SV2C: variants seen among roughly 807,000 people sequenced by gnomAD.
SV2C encodes the protein solute carrier family 22 member B3.
In SV2C, 49 loss-of-function variants were observed where a neutral mutation model predicts 79.7. That is an observed-to-expected ratio of 0.61 (90% CI 0.49 to 0.78). The LOEUF (loss-of-function observed/expected upper bound fraction) is 0.78, where lower values mean the gene tolerates loss of function less well. Ranked by LOEUF, SV2C falls within the 30% of genes least tolerant of loss-of-function variation. The probability of loss-of-function intolerance (pLI) is 0.00; values close to 1 mark genes in which losing one functional copy is unlikely to be tolerated. For synonymous variants in SV2C, 334 were observed against 333.2 expected (o/e 1.00, Z -0.03); for missense variants, 833 against 912.9 (o/e 0.91, Z 1.13).
the SV2C span, among the ~76,000 whole-genome samples, chr5:75,859,852 A>G: frequency 7.6e-4 from 116 of 152,006 alleles, 2 homozygotes; most frequent in Admixed American, 4.0e-3. Flanking sequence ...TATACATCTT[A>G]TTGAATGACT....
At chr5:75,956,261 T>C in the SV2C span, among the ~76,000 whole-genome samples, 13 of 145,456 alleles carry the variant, frequency 8.9e-5, no homozygotes, top group East Asian at 4.0e-4. Flanking sequence ...ATGGATGAAA[T>C]TGGAAATCAT....
At chr5:76,196,501 G>T (rs897091649) in intron 3 of SV2C, among the ~76,000 whole-genome samples, 2 of 152,138 alleles carry the variant, frequency 1.3e-5, no homozygotes, top group Non-Finnish European at 2.9e-5. Context: ...TTGGATTATG[G>T]ACTCAAAGGG....
chr5:76,335,265 T>C (rs979767353), downstream of SV2C, among the ~76,000 whole-genome samples: 2 of 152,130 alleles, frequency 1.3e-5, no homozygotes, highest in Admixed American at 1.3e-4. Context: ...CCCAGCTAGA[T>C]CCTCCTTCTT....
the SV2C span, among the ~76,000 whole-genome samples, chr5:75,978,275 TA>T: frequency 6.6e-6 from 1 of 152,186 alleles, no homozygotes; most frequent in Non-Finnish European, 1.5e-5. Context: ...TATACCACAC[TA>T]GCTGTACTTT....
chr5:76,051,889 A>G, the SV2C span, among the ~76,000 whole-genome samples: 2 of 152,254 alleles, frequency 1.3e-5, no homozygotes, highest in Non-Finnish European at 2.9e-5. Context: ...TAATTGAAAA[A>G]GTAAACTTGT....
chr5:76,283,725 C>T (rs1747263616), intron 4 of SV2C, among the ~76,000 whole-genome samples: 2 of 152,160 alleles, frequency 1.3e-5, no homozygotes, highest in Admixed American at 1.3e-4. Flanking sequence ...CCAGAGTCTA[C>T]TAATCTAAGA....
chr5:76,211,876 G>A lies in SV2C; in HGVS notation c.913+1989G>A, dbSNP rs189288581. ...GAAAAGTTACATGAAAACTGAAGTCGTATTTAACAACAACAAAAGCAAGAT... is the reference window on the plus strand; with the variant it reads ...GAAAAGTTACATGAAAACTGAAGTCATATTTAACAACAACAAAAGCAAGAT... On this transcript the variant is annotated intron_variant, in intron 4 of 12. Coordinates refer to ENST00000502798, the MANE Select transcript of SV2C (RefSeq NM_014979.4). Among the ~76,000 whole-genome samples, 6 of 152,244 alleles carry A rather than the reference G, an allele frequency of 3.9e-5. No individual in the cohort carries two copies. The East Asian group carries it at 9.6e-4, about 24-fold the overall frequency.
At chr5:76,022,703 T>A in the SV2C span, among the ~76,000 whole-genome samples, 1 of 152,196 alleles carries the variant, frequency 6.6e-6, no homozygotes, top group Non-Finnish European at 1.5e-5. Flanking sequence ...TGATAGTTTG[T>A]TAATTTGGTC....
At chr5:76,037,837 C>A in the SV2C span, among the ~76,000 whole-genome samples, 63,180 of 152,106 alleles carry the variant, frequency 0.42, 15,207 homozygotes, top group Middle Eastern at 0.58. Flanking sequence ...GCGCCCCTCC[C>A]CCAGCCTCGT....
chr5:75,911,053 C>T, the SV2C span: 24 of 1,195,154 alleles, frequency 2.0e-5, no homozygotes, highest in Admixed American at 1.0e-4. Context: ...GTGAATCTGT[C>T]GCAACAACTG....
chr5:76,201,036 A>C (rs1744424397), intron 3 of SV2C, among the ~76,000 whole-genome samples: 1 of 152,226 alleles, frequency 6.6e-6, no homozygotes, highest in Non-Finnish European at 1.5e-5. Context: ...AGTCATGAGC[A>C]TATCTTCTTA....
chr5:76,034,938 G>A, the SV2C span, among the ~76,000 whole-genome samples: 2 of 152,078 alleles, frequency 1.3e-5, no homozygotes, highest in Admixed American at 6.5e-5. Flanking sequence ...CCTGTTATTG[G>A]TCTATTCAGA....
chr5:76,242,325 G>A, intron 4 of SV2C: 1 of 1,452,928 alleles, frequency 6.9e-7, no homozygotes, highest in Non-Finnish European at 9.5e-7. Context: ...GCGGGACATA[G>A]GTGCTGGACG....
chr5:76,311,247 A>G (rs1748429353), intron 12 of SV2C: 1 of 152,368 alleles, frequency 6.6e-6, no homozygotes, highest in African/African-American at 2.4e-5. Context: ...ATAGCCTGAG[A>G]TTCTTGCCAA....
At chr5:76,313,243 A>AG (rs1748515375) in intron 12 of SV2C, among the ~76,000 whole-genome samples, 2 of 152,160 alleles carry the variant, frequency 1.3e-5, no homozygotes, top group Non-Finnish European at 2.9e-5. Flanking sequence ...CTTATTTGTG[A>AG]AGATTTTGGT....
the SV2C span, among the ~76,000 whole-genome samples, chr5:75,998,785 A>G: frequency 1.8e-4 from 27 of 152,034 alleles, 1 homozygote; most frequent in Admixed American, 1.6e-3. Context: ...CCAATTCCTC[A>G]TAATAAATCT....
chr5:76,347,031 G>A (rs1749557884), intron 12 of SV2C, among the ~76,000 whole-genome samples: 1 of 152,192 alleles, frequency 6.6e-6, no homozygotes, highest in Admixed American at 6.5e-5. Flanking sequence ...AGCTCTTGGT[G>A]AGAACTCTCA....
At chr5:76,323,022 C>T (rs1443245997) in intron 12 of SV2C, among the ~76,000 whole-genome samples, 4 of 152,112 alleles carry the variant, frequency 2.6e-5, no homozygotes, top group Non-Finnish European at 5.9e-5. Context: ...CAACAAAAGC[C>T]AAAATTCACA....
intron 12 of SV2C, among the ~76,000 whole-genome samples, chr5:76,339,674 A>C (rs1362373028): frequency 7.5e-6 from 1 of 133,764 alleles, no homozygotes; most frequent in African/African-American, 3.9e-5. Flanking sequence ...AGATTGTGCC[A>C]CTGCACTCCA....
Sources: allele counts gnomAD v4.1 joint callset (sites outside exome capture counted in the v4.1 genomes callset), GRCh38; gene constraint gnomAD v4.1.1; transcripts MANE v1.5; gene names NCBI Gene and HGNC (gene_info 2026-07-23, HGNC 2026-07-21).